Variants in LRRK1 observed in about 807,000 individuals in gnomAD.
LRRK1 encodes the protein leucine-rich repeat serine/threonine-protein kinase 1.
LRRK1 carries 113 observed loss-of-function variants against 209.1 expected under a neutral mutation model. The ratio of observed to expected loss-of-function variants is 0.54; its 90% confidence interval spans 0.46 to 0.63. The LOEUF (loss-of-function observed/expected upper bound fraction) is 0.63, where lower values mean the gene tolerates loss of function less well. Among genes scored for constraint, LRRK1 ranks in the 30% least tolerant of loss-of-function variants. The probability of loss-of-function intolerance (pLI) is 0.00; values close to 1 mark genes in which losing one functional copy is unlikely to be tolerated. For synonymous variants in LRRK1, 1,144 were observed against 1,099.7 expected, an observed-to-expected ratio of 1.04 and a Z score of -0.80; for missense variants, 2,284 against 2,632.2, an observed-to-expected ratio of 0.87 and a Z score of 2.89.
chr15:101,063,185 C>G (rs2036294149), intron 31 of LRRK1, among the ~76,000 whole-genome samples: 1 of 152,180 alleles, frequency 6.6e-6, no homozygotes, highest in African/African-American at 2.4e-5. Context: ...AGACTCAGCT[C>G]TTTAACCTCC....
At position 100,973,073 on chromosome 15, in the gene LRRK1, C is replaced by G. The variant is rs1596220570; in HGVS notation, c.98-731C>G. On this transcript the variant is annotated intron_variant, in intron 2 of 33. Transcript: ENST00000388948. ...GGCGAGAGGCCGCCTTCCTTTCCCTCGGCTCCTCCTGCACCCAGCGAGGGC... is the reference window on the plus strand; with the variant it reads ...GGCGAGAGGCCGCCTTCCTTTCCCTGGGCTCCTCCTGCACCCAGCGAGGGC... 2.6e-5 allele frequency among the ~76,000 whole-genome samples: 4 copies of G among 152,356 alleles called. No individual in the cohort carries two copies. The East Asian group carries it at 7.7e-4, about 29-fold the overall frequency.
chr15:101,053,396 A>G lies in LRRK1; in HGVS notation c.4030A>G (p.Thr1344Ala), dbSNP rs1360380885. ...LELAPLSSLN[T>A]VLSENARDSS... ...GCTCGCGCCGCTCAGCAGCCTCAAC[A>G]CCGTGCTGTCCGAGAACGCCAGAGG... is the stretch of plus-strand genomic sequence containing the variant. Residue 1344 changes from threonine to alanine, a missense_variant, in exon 26 of 34, where the codon ACC becomes GCC. By Grantham distance (58) the Thr-to-Ala change is moderately conservative. Around this residue, in one of 6 missense-constraint regions of LRRK1, gnomAD observed 780 missense variants for 985.2 expected, o/e 0.79. Transcript: ENST00000388948. 6.3e-7 allele frequency: 1 copy of G among 1,598,414 alleles called. No homozygotes were observed. The highest frequency in any genetic ancestry group is 1.1e-5 in the South Asian group (1 of 90,818).
Position 101,058,148 on chromosome 15 carries a change from T to TC in LRRK1, c.4679+9dup. On this transcript the variant is annotated splice_region_variant and intron_variant, in intron 29 of 33. Coordinates refer to ENST00000388948, the MANE Select transcript of LRRK1 (RefSeq NM_024652.6). ...ATGGAAAAGAGGAGTCCAGGTAAGC[T>TC]CCTGCGGGCTGCCCTGCCCCCTTTG... The TC allele has an allele frequency of 6.2e-7, 1 of 1,613,772 alleles. No individual in the cohort carries two copies. The highest frequency in any genetic ancestry group is 2.2e-5 in the East Asian group (1 of 44,866).
chr15:100,946,675 C>T (rs935224159), intron 2 of LRRK1, among the ~76,000 whole-genome samples: 3 of 152,164 alleles, frequency 2.0e-5, no homozygotes, highest in African/African-American at 7.2e-5. Flanking sequence ...CGCTAGATGT[C>T]TTAAGCATAA....
intron 20 of LRRK1, among the ~76,000 whole-genome samples, chr15:101,042,320 G>A (rs1056333211): frequency 5.0e-4 from 2 of 3,984 alleles, no homozygotes; most frequent in Non-Finnish European, 8.5e-4. Context: ...TCATTTTTCT[G>A]TCAGTCTTTT....
In LRRK1 at chr15:101,051,950, T is replaced by C; in HGVS notation, c.3679T>C (p.Phe1227Leu). 6.2e-7 allele frequency: 1 copy of C among 1,613,222 alleles called. No homozygotes were observed. The highest frequency in any genetic ancestry group is 8.5e-7 in the Non-Finnish European group (1 of 1,179,592). ...ELVPELFMTD[F>L]PARLFLENSK... ...GGTCCCTGAACTGTTCATGACCGAC[T>C]TCCCGGCCAGGTATGCCCCGAAGGC... Residue 1227 changes from phenylalanine to leucine, a missense_variant, in exon 24 of 34, where the codon TTC (phenylalanine) becomes CTC (leucine). Physicochemically the swap from Phe to Leu is conservative, Grantham distance 22. This residue lies in a region of LRRK1 where 780 missense variants were observed against 985.2 expected (regional missense o/e 0.79). Coordinates refer to ENST00000388948, the MANE Select transcript of LRRK1 (RefSeq NM_024652.6).
chr15:101,051,283 T>G (rs2035418877), intron 23 of LRRK1, among the ~76,000 whole-genome samples: 1 of 152,248 alleles, frequency 6.6e-6, no homozygotes, highest in Admixed American at 6.5e-5. Context: ...TTTCTGCCCC[T>G]GCATTGCCCT....
intron 9 of LRRK1, among the ~76,000 whole-genome samples, 171 bp downstream of exon 9, chr15:101,011,008 T>C (rs992455400): frequency 2.0e-5 from 3 of 152,090 alleles, no homozygotes; most frequent in Admixed American, 2.0e-4. Flanking sequence ...CGAGGCTGTG[T>C]CCCAGGCAGA....
At chr15:100,972,124 G>C (rs574492009) in intron 2 of LRRK1, among the ~76,000 whole-genome samples, 4 of 151,638 alleles carry the variant, frequency 2.6e-5, no homozygotes, top group Non-Finnish European at 5.9e-5. Context: ...CACCACACCC[G>C]GCTAATTTTT....
At chr15:100,955,948 T>C (rs905946560) in intron 2 of LRRK1, among the ~76,000 whole-genome samples, 1 of 152,204 alleles carries the variant, frequency 6.6e-6, no homozygotes, top group Admixed American at 6.5e-5. Context: ...TCTGTAATTT[T>C]CTTTTCTTAT....
At position 100,919,861 on chromosome 15, in the gene LRRK1, C is replaced by A. The variant is rs767696675; in HGVS notation, c.-123+410C>A. 6.6e-5 allele frequency among the ~76,000 whole-genome samples: 10 copies of A among 152,170 alleles called. No individual in the cohort carries two copies. The highest frequency in any genetic ancestry group is 9.7e-5 in the African/African-American group (4 of 41,438). On this transcript the variant is annotated intron_variant, in intron 1 of 33. Transcript: ENST00000388948. This position sits in a 1 kb window ranked among gnomAD's most constrained non-coding sequence, Gnocchi z 5.8. ...GTTTCCTCTGCCTTTGGAGCGAACC[C>A]AGTCCCTTAGCGGGGAGCGGGCGGA...
chr15:101,021,256 T>C, intron 13 of LRRK1, 74 bp downstream of exon 13: 1 of 1,520,320 alleles, frequency 6.6e-7, no homozygotes, highest in East Asian at 2.3e-5. Context: ...CTAAACCAAC[T>C]GGGACACAGA....
At chr15:101,043,273 T>C (rs1175612839) in intron 20 of LRRK1, among the ~76,000 whole-genome samples, 1 of 152,180 alleles carries the variant, frequency 6.6e-6, no homozygotes, top group African/African-American at 2.4e-5. Context: ...GGCCCCACCT[T>C]TGCCTGAGGC....
intron 2 of LRRK1, among the ~76,000 whole-genome samples, chr15:100,947,298 A>T (rs1419770013): frequency 6.6e-6 from 1 of 152,190 alleles, no homozygotes; most frequent in Non-Finnish European, 1.5e-5. Flanking sequence ...TAGGCAGTTT[A>T]ATTTAGTTAA....
rs1463313312 is a variant in LRRK1, at chr15:101,063,813, A to T, written c.4914+1123A>T. 3.5e-5 allele frequency among the ~76,000 whole-genome samples: 4 copies of T among 115,498 alleles called. No individual in the cohort carries two copies. In the East Asian group the frequency reaches 6.2e-4, roughly 18 times the overall value. 75.8% of individuals were successfully genotyped at this position (115,498 alleles called of 152,430 possible). A position where few individuals can be genotyped will look rare whatever the true frequency, so the allele number is the denominator to read the frequency against. On this transcript the variant is annotated intron_variant, in intron 31 of 33. Coordinates refer to ENST00000388948, the MANE Select transcript of LRRK1 (RefSeq NM_024652.6). The stretch of plus-strand genomic sequence containing the variant: ...TTCACCCTTCTTCAGTTTCATTTAA[A>T]AAAAAAAAAAACAGGTATGAAATGA...
chr15:101,047,314 G>A (rs2035138378), intron 21 of LRRK1, among the ~76,000 whole-genome samples: 1 of 152,356 alleles, frequency 6.6e-6, no homozygotes, highest in South Asian at 2.1e-4. Context: ...GGAGGGAGAT[G>A]GGTTAATAGC....
chr15:100,922,302 A>C (rs1424849675), intron 1 of LRRK1, among the ~76,000 whole-genome samples: 1 of 152,232 alleles, frequency 6.6e-6, no homozygotes, highest in African/African-American at 2.4e-5. Context: ...TTAGAATATA[A>C]GCCAAAATAG....
At chr15:100,928,801 G>A (rs1197980281) in intron 2 of LRRK1, among the ~76,000 whole-genome samples, 1 of 152,148 alleles carries the variant, frequency 6.6e-6, no homozygotes, top group East Asian at 1.9e-4. Flanking sequence ...CAAAGCCCCT[G>A]GATGTGGGGG....
intron 4 of LRRK1, among the ~76,000 whole-genome samples, chr15:100,986,911 A>C (rs2031906288): frequency 6.6e-6 from 1 of 152,106 alleles, no homozygotes; most frequent in Admixed American, 6.5e-5. Context: ...AATCTCCTAC[A>C]TTTCCAAACC....
Sources: allele counts gnomAD v4.1 joint callset (sites outside exome capture counted in the v4.1 genomes callset), GRCh38; gene constraint gnomAD v4.1.1; regional missense constraint gnomAD v4.1.1; non-coding constraint Gnocchi (gnomAD v3.1); transcripts MANE v1.5; gene names NCBI Gene and HGNC (gene_info 2026-07-23, HGNC 2026-07-21).